SYT1: variants seen among roughly 807,000 people sequenced by gnomAD.
SYT1 encodes the protein synaptotagmin 1, also known as synaptotagmin-1.
Under a neutral mutation model 44.8 loss-of-function variants are expected in SYT1, and 8 were observed. The ratio of observed to expected loss-of-function variants is 0.18; its 90% confidence interval spans 0.10 to 0.32. SYT1 has a LOEUF of 0.32. Among genes scored for constraint, SYT1 ranks in the 10% least tolerant of loss-of-function variants. The probability of loss-of-function intolerance (pLI) is 1.00; values close to 1 mark genes in which losing one functional copy is unlikely to be tolerated. For missense variants in SYT1, 286 were observed against 509.3 expected, an observed-to-expected ratio of 0.56 and a Z score of 4.22; for synonymous variants, 154 against 188.8, an observed-to-expected ratio of 0.82 and a Z score of 1.51.
chr12:79,293,180 T>C (rs1182349240), intron 6 of SYT1, among the ~76,000 whole-genome samples: 12 of 146,498 alleles, frequency 8.2e-5, no homozygotes, highest in Non-Finnish European at 1.7e-4. Context: ...AAAAATTAGC[T>C]GGGCGTGGTG....
chr12:79,331,813 A>G (rs1386616374), intron 8 of SYT1, among the ~76,000 whole-genome samples: 1 of 150,564 alleles, frequency 6.6e-6, no homozygotes, highest in African/African-American at 2.5e-5. Context: ...TAATAAAATT[A>G]TAGGTAAAAG....
At chr12:78,914,479 A>AAAG (rs1876529694) in intron 1 of SYT1, among the ~76,000 whole-genome samples, 1 of 151,234 alleles carries the variant, frequency 6.6e-6, no homozygotes, top group Non-Finnish European at 1.5e-5. Context: ...GCAACAAATT[A>AAAG]TAATTTGTTT....
At chr12:79,156,599 C>G (rs1565830968) in intron 3 of SYT1, among the ~76,000 whole-genome samples, 1 of 152,016 alleles carries the variant, frequency 6.6e-6, no homozygotes, top group African/African-American at 2.4e-5. Context: ...TCCCAAGTAG[C>G]TGGGACTACA....
chr12:79,243,927 G>T (rs1014951871), intron 4 of SYT1, among the ~76,000 whole-genome samples: 2 of 151,852 alleles, frequency 1.3e-5, no homozygotes, highest in Non-Finnish European at 2.9e-5. Flanking sequence ...TACAGGATGG[G>T]GGTGGCTAAA....
intron 9 of SYT1, among the ~76,000 whole-genome samples, chr12:79,442,930 TA>T (rs1177851784): frequency 6.6e-6 from 1 of 152,210 alleles, no homozygotes; most frequent in African/African-American, 2.4e-5. Context: ...TGCTTTCTGA[TA>T]TTTTTTCTAT....
intron 9 of SYT1, among the ~76,000 whole-genome samples, chr12:79,373,375 C>T (rs1369719528): frequency 6.6e-6 from 1 of 152,078 alleles, no homozygotes; most frequent in African/African-American, 2.4e-5. Context: ...ACATTATAAA[C>T]TTAAAAGTCA....
At chr12:79,121,738 C>CA (rs1417476106) in intron 3 of SYT1, among the ~76,000 whole-genome samples, 1 of 152,110 alleles carries the variant, frequency 6.6e-6, no homozygotes, top group Non-Finnish European at 1.5e-5. Flanking sequence ...TAGATGCTTT[C>CA]AAAAAATAAA....
chr12:79,413,378 A>G (rs1317984999), intron 9 of SYT1, among the ~76,000 whole-genome samples: 1 of 152,202 alleles, frequency 6.6e-6, no homozygotes, highest in Non-Finnish European at 1.5e-5. Context: ...TAATTCAAGT[A>G]GTCAATAAAC....
chr12:79,140,393 C>T (rs1468351156), intron 3 of SYT1, among the ~76,000 whole-genome samples: 1 of 152,128 alleles, frequency 6.6e-6, no homozygotes, highest in East Asian at 1.9e-4. Context: ...TCTAACAGAA[C>T]ACTCCTTGAT....
intron 4 of SYT1, among the ~76,000 whole-genome samples, chr12:79,249,852 G>A (rs1366301166): frequency 6.6e-6 from 1 of 152,028 alleles, no homozygotes; most frequent in African/African-American, 2.4e-5. Flanking sequence ...AGAATGTAAA[G>A]TATCAAAGTT....
intron 3 of SYT1, among the ~76,000 whole-genome samples, chr12:79,149,211 A>G (rs1420701954): frequency 6.6e-6 from 1 of 151,926 alleles, no homozygotes; most frequent in Non-Finnish European, 1.5e-5. Context: ...TGAATTATAG[A>G]CCCCTTCTAA....
At chr12:79,262,271 T>C (rs1877871132) in intron 4 of SYT1, among the ~76,000 whole-genome samples, 1 of 152,216 alleles carries the variant, frequency 6.6e-6, no homozygotes, top group Non-Finnish European at 1.5e-5. Flanking sequence ...AAATTACAAA[T>C]GTATTCAATA....
intron 9 of SYT1, among the ~76,000 whole-genome samples, chr12:79,376,462 A>C (rs1410271221): frequency 3.3e-5 from 5 of 152,260 alleles, no homozygotes; most frequent in South Asian, 4.1e-4. Flanking sequence ...GGACAACCAG[A>C]GGTCACTCTC....
At chr12:79,262,187 CT>C (rs1249410774) in intron 4 of SYT1, among the ~76,000 whole-genome samples, 1 of 151,904 alleles carries the variant, frequency 6.6e-6, no homozygotes, top group African/African-American at 2.4e-5. Flanking sequence ...GTTAACAAGC[CT>C]TTTTTTTCCT....
chr12:78,987,875 A>G (rs958259176), intron 2 of SYT1, among the ~76,000 whole-genome samples: 2 of 152,114 alleles, frequency 1.3e-5, no homozygotes, highest in African/African-American at 2.4e-5. Flanking sequence ...CAAAGGTAAT[A>G]CAAGAAAAGA....
intron 9 of SYT1, among the ~76,000 whole-genome samples, chr12:79,363,452 C>G (rs1883400957): frequency 4.0e-5 from 6 of 151,852 alleles, no homozygotes; most frequent in Admixed American, 3.9e-4. Flanking sequence ...TGGCCAGGTG[C>G]AGTGGCTCAC....
At position 79,117,704 on chromosome 12, in the gene SYT1, T is replaced by C. The variant is rs1267465079; in HGVS notation, c.-18+70342T>C. Reference sequence around the variant, plus strand: ...ATATATATATATATATATATATATATATATATATATAAAATAAATAGGTTG... The same window carrying C: ...ATATATATATATATATATATATATACATATATATATAAAATAAATAGGTTG... On this transcript the variant is annotated intron_variant, in intron 3 of 10. Coordinates refer to ENST00000261205, the MANE Select transcript of SYT1 (RefSeq NM_005639.3). 4.9e-5 allele frequency among the ~76,000 whole-genome samples: 5 copies of C among 101,752 alleles called. No individual in the cohort carries two copies. In the East Asian group the frequency reaches 8.6e-4, roughly 17 times the overall value. 66.8% of individuals were successfully genotyped at this position (101,752 alleles called of 152,430 possible).
intron 3 of SYT1, among the ~76,000 whole-genome samples, chr12:79,148,376 CG>C (rs1231234600): frequency 1.3e-5 from 2 of 151,880 alleles, no homozygotes; most frequent in Non-Finnish European, 2.9e-5. Flanking sequence ...CTTTTTTTCC[CG>C]TAAAATTGTA....
At chr12:79,087,322 T>C (rs569562879) in intron 3 of SYT1, among the ~76,000 whole-genome samples, 48 of 152,290 alleles carry the variant, frequency 3.2e-4, no homozygotes, top group African/African-American at 1.1e-3. Flanking sequence ...CGTTAACTTA[T>C]GGTAATTAAT....
Sources: gnomAD v4.1 joint callset for allele counts (sites outside exome capture counted in the v4.1 genomes callset) on GRCh38, gnomAD v4.1.1 for gene constraint, MANE v1.5 for transcripts, NCBI Gene and HGNC (gene_info 2026-07-23, HGNC 2026-07-21) for gene names.